Variants in SAMSN1 observed in about 807,000 individuals in gnomAD.
SAMSN1 encodes SAM domain-containing protein SAMSN-1.
In SAMSN1, 31 loss-of-function variants were observed where a neutral mutation model predicts 42.0. The observed-to-expected ratio is 0.74, with a 90% CI of 0.55 to 1.00. SAMSN1 has a LOEUF of 1.00. SAMSN1 is among the 50% of genes least tolerant of loss of function. The pLI, the probability that SAMSN1 is intolerant of heterozygous loss-of-function variation, is 0.00. For missense variants in SAMSN1, 464 were observed against 439.4 expected (o/e 1.06, Z -0.50); for synonymous variants, 178 against 151.9 (o/e 1.17, Z -1.26).
At chr21:14,519,933 A>C (rs1035566666) in intron 2 of SAMSN1, among the ~76,000 whole-genome samples, 1 of 152,158 alleles carries the variant, frequency 6.6e-6, no homozygotes, top group African/African-American at 2.4e-5. Flanking sequence ...CAAACTTTGG[A>C]GTCAGAGAAA....
At chr21:14,526,240 G>A (rs1357641003) in intron 1 of SAMSN1, among the ~76,000 whole-genome samples, 1 of 152,200 alleles carries the variant, frequency 6.6e-6, no homozygotes, top group Non-Finnish European at 1.5e-5. Context: ...TGGTTGTTTG[G>A]AAGTACAGAA....
intron 2 of SAMSN1, among the ~76,000 whole-genome samples, chr21:14,576,030 A>T (rs1981449310): frequency 1.3e-5 from 2 of 152,334 alleles, no homozygotes; most frequent in East Asian, 1.9e-4. Context: ...ATGGAAAAAA[A>T]TATCATTGTG....
chr21:14,522,473 G>T (rs1443834696), intron 1 of SAMSN1, among the ~76,000 whole-genome samples: 2 of 152,136 alleles, frequency 1.3e-5, no homozygotes, highest in South Asian at 4.2e-4. Flanking sequence ...CATATAATCT[G>T]GTAATTTAGA....
intron 2 of SAMSN1, among the ~76,000 whole-genome samples, chr21:14,559,329 G>C (rs1980866232): frequency 6.6e-6 from 1 of 152,158 alleles, no homozygotes; most frequent in Non-Finnish European, 1.5e-5. Flanking sequence ...AATCCACTCA[G>C]TAGTATCACC....
chr21:14,602,201 C>G (rs747485908), intron 5 of SAMSN1: 2 of 380,610 alleles, frequency 5.3e-6, no homozygotes, highest in Non-Finnish European at 4.8e-6. Flanking sequence ...GTCTGTAAGA[C>G]ATTACATTGG....
chr21:14,492,065 T>C (rs1320870466), intron 7 of SAMSN1, among the ~76,000 whole-genome samples: 1 of 152,206 alleles, frequency 6.6e-6, no homozygotes, highest in African/African-American at 2.4e-5. Flanking sequence ...AGGTTAATTA[T>C]TGATGGAAGT....
At chr21:14,645,598 C>T (rs565484786) in intron 1 of SAMSN1, among the ~76,000 whole-genome samples, 4 of 152,214 alleles carry the variant, frequency 2.6e-5, no homozygotes, top group African/African-American at 9.6e-5. Flanking sequence ...TCCTTAATGC[C>T]CACACACCGA....
intron 1 of SAMSN1, among the ~76,000 whole-genome samples, chr21:14,525,990 C>A (rs967249691): frequency 1.3e-5 from 2 of 152,176 alleles, no homozygotes; most frequent in South Asian, 4.2e-4. Flanking sequence ...TCAGCCCCCC[C>A]GAGTAGCTGG....
At chr21:14,514,030 C>G (rs1409228772) in intron 3 of SAMSN1, among the ~76,000 whole-genome samples, 1 of 152,154 alleles carries the variant, frequency 6.6e-6, no homozygotes, top group Non-Finnish European at 1.5e-5. Context: ...ATCCATCACT[C>G]CATTTGCACT....
chr21:14,550,197 T>C (rs572712339), upstream of SAMSN1, among the ~76,000 whole-genome samples: 3 of 152,164 alleles, frequency 2.0e-5, no homozygotes, highest in African/African-American at 4.8e-5. Context: ...GTTAAGGAAG[T>C]GGGGGGACCG....
chr21:14,582,044 A>G (rs763016933), intron 2 of SAMSN1: 1 of 1,229,544 alleles, frequency 8.1e-7, no homozygotes. Context: ...AAACTGATAA[A>G]TTTCACTGAT....
chr21:14,517,122 T>A, intron 2 of SAMSN1, 81 bp from the exon 3 acceptor site: 1 of 1,337,540 alleles, frequency 7.5e-7, no homozygotes. Flanking sequence ...CAGAGAACAT[T>A]CTGAGTTTGT....
intron 3 of SAMSN1, among the ~76,000 whole-genome samples, chr21:14,515,269 G>T (rs575336496): frequency 9.2e-5 from 14 of 152,032 alleles, no homozygotes; most frequent in Non-Finnish European, 2.1e-4. Context: ...ATGGACATAA[G>T]ACATAAAAAT....
At position 14,573,216 on chromosome 21, in the gene SAMSN1, C is replaced by T. The variant is rs116268804; in HGVS notation, c.261+8920G>A. Among the ~76,000 whole-genome samples, 1,237 of 152,208 alleles carry T rather than the reference C, an allele frequency of 8.1e-3. 13 individuals carry two copies. Among genetic ancestry groups the T allele is most frequent in the African/African-American group, 0.028 (1,157 of 41,532 alleles). On this transcript the variant is annotated intron_variant, in intron 2 of 8. Coordinates refer to the SAMSN1 transcript ENST00000285670. ...CTCTCCAACCAAGCACTCTTTATAC[C>T]GCACAGACCCTGATCTTCTGCTCCC...
At position 14,631,697 on chromosome 21, in the gene SAMSN1, T is replaced by C. The variant is rs866501839; in HGVS notation, c.156+11305A>G. ...GGATTTTTATAATGTTTGTTTGACT[T>C]CCTCCCCCCAATTTTGTGCTTCTAA... is the stretch of plus-strand genomic sequence containing the variant. On this transcript the variant is annotated intron_variant, in intron 2 of 15. Coordinates refer to the SAMSN1 transcript ENST00000647101. 6.8e-4 allele frequency among the ~76,000 whole-genome samples: 104 copies of C among 152,304 alleles called. No homozygotes were observed. The Middle Eastern group carries it at 0.01, about 15-fold the overall frequency.
intron 4 of SAMSN1, chr21:14,609,595 C>T: frequency 2.8e-6 from 2 of 717,464 alleles, no homozygotes; most frequent in South Asian, 1.5e-5. Context: ...AATTGGTTAG[C>T]AGAATTCATA....
At chr21:14,516,461 G>A (rs1987922630) in intron 3 of SAMSN1, among the ~76,000 whole-genome samples, 1 of 152,008 alleles carries the variant, frequency 6.6e-6, no homozygotes, top group Non-Finnish European at 1.5e-5. Context: ...GTGCAATCAG[G>A]GCTCACTGGA....
At position 14,573,976 on chromosome 21, in the gene SAMSN1, TTG is replaced by T. The variant is rs147344363; in HGVS notation, c.261+8158_261+8159del. 5.2e-3 allele frequency among the ~76,000 whole-genome samples: 785 copies of T among 152,320 alleles called. 4 individuals carry two copies. The highest frequency in any genetic ancestry group is 0.018 in the African/African-American group (752 of 41,580). Reference sequence around the variant, plus strand: ...GTATTTGAATTATGAACATATTTCTTTGCAATAAAAGAAAATTTGGCAACACT... The same window carrying T: ...GTATTTGAATTATGAACATATTTCTTCAATAAAAGAAAATTTGGCAACACT... On this transcript the variant is annotated intron_variant, in intron 2 of 8. Coordinates refer to the SAMSN1 transcript ENST00000285670.
chr21:14,576,542 C>G (rs1981471781), intron 2 of SAMSN1, among the ~76,000 whole-genome samples: 1 of 152,210 alleles, frequency 6.6e-6, no homozygotes, highest in East Asian at 1.9e-4. Flanking sequence ...TTAGCATCCA[C>G]TGCTGCACGT....
Sources: gnomAD v4.1 joint callset for allele counts (sites outside exome capture counted in the v4.1 genomes callset) on GRCh38, gnomAD v4.1.1 for gene constraint, MANE v1.5 for transcripts, NCBI Gene and HGNC (gene_info 2026-07-23, HGNC 2026-07-21) for gene names.